Variants in CHN2 observed in about 807,000 individuals in gnomAD.
CHN2 encodes chimerin 2, also known as beta-chimaerin.
In CHN2, 35 loss-of-function variants were observed where a neutral mutation model predicts 56.3. The observed-to-expected ratio is 0.62, with a 90% CI of 0.47 to 0.82. The LOEUF (loss-of-function observed/expected upper bound fraction) is 0.82. Ranked by LOEUF, CHN2 falls within the 40% of genes least tolerant of loss-of-function variation. The pLI is 0.00. For missense variants in CHN2, 491 were observed against 580.5 expected (o/e 0.85, Z 1.58); for synonymous variants, 210 against 212.8 (o/e 0.99, Z 0.12).
intron 2 of CHN2, 70 bp from the exon 3 acceptor site, chr7:29,367,862 G>T: frequency 1.5e-6 from 2 of 1,293,986 alleles, no homozygotes; most frequent in East Asian, 2.6e-5. Flanking sequence ...AATATTTGAA[G>T]GCACGTTGAT....
intron 1 of CHN2, chr7:29,212,158 C>A: frequency 1.7e-6 from 1 of 578,430 alleles, no homozygotes; most frequent in Non-Finnish European, 3.1e-6. Context: ...ATTGTGGAGG[C>A]AACTCACTTC....
chr7:29,161,094 TA>T (rs1195193595), intron 2 of CHN2, among the ~76,000 whole-genome samples: 2 of 152,158 alleles, frequency 1.3e-5, no homozygotes, highest in African/African-American at 4.8e-5. Flanking sequence ...TACCAGATAT[TA>T]TCTTAAACCC....
intron 1 of CHN2, among the ~76,000 whole-genome samples, chr7:29,306,384 C>G (rs914657416): frequency 6.6e-6 from 1 of 152,158 alleles, no homozygotes; most frequent in Non-Finnish European, 1.5e-5. Context: ...AAAGGAGGAA[C>G]GCACTGATTG....
At chr7:29,297,954 C>T (rs1793323459) in intron 1 of CHN2, among the ~76,000 whole-genome samples, 1 of 152,120 alleles carries the variant, frequency 6.6e-6, no homozygotes, top group African/African-American at 2.4e-5. Flanking sequence ...AAGAGGAGAG[C>T]AGGAGTCCCT....
chr7:29,332,943 T>C (rs1230003925), intron 1 of CHN2: 1 of 151,980 alleles, frequency 6.6e-6, no homozygotes, highest in Non-Finnish European at 1.5e-5. Context: ...GGATCCTGTC[T>C]AGGAAGATGT....
In CHN2 at chr7:29,398,452, C is replaced by G. The variant is rs1189479864; in HGVS notation, c.256C>G (p.Gln86Glu). 1.4e-5 allele frequency: 22 copies of G among 1,613,424 alleles called. No individual in the cohort carries two copies. The highest frequency in any genetic ancestry group is 1.9e-5 in the Non-Finnish European group (22 of 1,179,876). Residue 86 changes from glutamine to glutamate, a missense_variant, in exon 5 of 13, where the codon CAG becomes GAG. Gln to Glu is a conservative substitution (Grantham distance 29, BLOSUM62 2). Transcript: ENST00000222792. ...VEGAYILRES[Q>E]RQPGCYTLAL... Reference sequence around the variant, plus strand: ...GGGTGCCTACATCCTTAGAGAAAGCCAGCGGCAACCAGGATGCTACACGCT... The same window carrying G: ...GGGTGCCTACATCCTTAGAGAAAGCGAGCGGCAACCAGGATGCTACACGCT...
At chr7:29,149,317 G>A (rs770999556) in intron 2 of CHN2, among the ~76,000 whole-genome samples, 11 of 142,848 alleles carry the variant, frequency 7.7e-5, no homozygotes, top group South Asian at 2.3e-4. Flanking sequence ...TCAGCCCCCC[G>A]AGTAAGCTGG....
intron 6 of CHN2, among the ~76,000 whole-genome samples, chr7:29,434,109 A>C (rs989527046): frequency 2.0e-5 from 3 of 152,152 alleles, no homozygotes; most frequent in Non-Finnish European, 4.4e-5. Context: ...ACTAAGATAG[A>C]TTAGGTGGTG....
At chr7:29,505,650 C>G (rs559018448) in intron 10 of CHN2, among the ~76,000 whole-genome samples, 3 of 152,376 alleles carry the variant, frequency 2.0e-5, no homozygotes, top group East Asian at 1.9e-4. Context: ...CAGCTCAAGC[C>G]TTTCCTCCTT....
At chr7:29,302,150 T>A (rs1303488399) in intron 1 of CHN2, among the ~76,000 whole-genome samples, 2 of 152,200 alleles carry the variant, frequency 1.3e-5, no homozygotes, top group Non-Finnish European at 2.9e-5. Flanking sequence ...GAGCTACAGT[T>A]TAGCGAGCGT....
At chr7:29,325,040 T>A (rs1585061436) in intron 1 of CHN2, among the ~76,000 whole-genome samples, 2 of 152,350 alleles carry the variant, frequency 1.3e-5, no homozygotes, top group East Asian at 3.9e-4. Context: ...CTCAGGTTTG[T>A]GGATTGGGTT....
intron 1 of CHN2, among the ~76,000 whole-genome samples, chr7:29,307,962 A>G (rs887853983): frequency 6.6e-6 from 1 of 152,220 alleles, no homozygotes; most frequent in Middle Eastern, 3.2e-3. Context: ...GTGCTAATCT[A>G]TTAAAGCAGC....
chr7:29,351,759 T>C lies in CHN2; in HGVS notation c.50-2866T>C, dbSNP rs140893990. Among the ~76,000 whole-genome samples the C allele has an allele frequency of 2.6e-5, 4 of 152,268 alleles. No homozygotes were observed. The Middle Eastern group carries it at 0.01, about 388-fold the overall frequency. On this transcript the variant is annotated intron_variant, in intron 1 of 12. Coordinates refer to ENST00000222792, the MANE Select transcript of CHN2 (RefSeq NM_004067.4). ...GATAAGTGAAAAAAGGGAAAAATTG[T>C]CTACGGTGGAGTCAGAGAGGCGGGC...
exon 1 of CHN2, chr7:29,146,733 G>A: frequency 6.4e-7 from 1 of 1,550,492 alleles, no homozygotes; most frequent in South Asian, 1.2e-5. Context: ...AGCATCGGCG[G>A]GGTGCCATTC....
At chr7:29,279,902 C>T (rs565850158) in intron 1 of CHN2, among the ~76,000 whole-genome samples, 2 of 152,168 alleles carry the variant, frequency 1.3e-5, no homozygotes, top group African/African-American at 2.4e-5. Context: ...CAGTGGGGGT[C>T]TGAATTAGGG....
rs907869347 is a variant in CHN2, at chr7:29,443,763, G to T, written c.577-36516G>T. 4.6e-5 allele frequency among the ~76,000 whole-genome samples: 7 copies of T among 152,008 alleles called. No individual in the cohort carries two copies. In the South Asian group the frequency reaches 1.5e-3, roughly 32 times the overall value. On this transcript the variant is annotated intron_variant, in intron 6 of 12. Coordinates refer to ENST00000222792, the MANE Select transcript of CHN2 (RefSeq NM_004067.4). The stretch of plus-strand genomic sequence containing the variant: ...GAGGGGGTGAGAGAGAGATGGCAGG[G>T]GGGTGAGAGAGATGGCAGAGGTGTG...
intron 7 of CHN2, among the ~76,000 whole-genome samples, chr7:29,490,858 G>A (rs568875905): frequency 6.6e-6 from 1 of 152,232 alleles, no homozygotes; most frequent in Admixed American, 6.5e-5. Flanking sequence ...CAATTGATAC[G>A]AATATTCCAA....
intron 1 of CHN2, among the ~76,000 whole-genome samples, chr7:29,266,574 A>G (rs933319290): frequency 1.3e-5 from 2 of 152,160 alleles, no homozygotes; most frequent in African/African-American, 2.4e-5. Context: ...CAAGTGTTAA[A>G]TGCATTATTT....
intron 1 of CHN2, among the ~76,000 whole-genome samples, chr7:29,228,136 A>G (rs1267866520): frequency 2.7e-5 from 4 of 150,916 alleles, no homozygotes; most frequent in African/African-American, 9.8e-5. Context: ...AAAAACCTGT[A>G]CACACACTAA....
Sources: gnomAD v4.1 joint callset for allele counts (sites outside exome capture counted in the v4.1 genomes callset) on GRCh38, gnomAD v4.1.1 for gene constraint, MANE v1.5 for transcripts, NCBI Gene and HGNC (gene_info 2026-07-23, HGNC 2026-07-21) for gene names.